The following BCAR3 variants were observed in gnomAD, a reference collection of about 807,000 sequenced individuals.
BCAR3 encodes breast cancer anti-estrogen resistance protein 3.
Under a neutral mutation model 80.1 loss-of-function variants are expected in BCAR3, and 37 were observed. That is an observed-to-expected ratio of 0.46 (90% CI 0.36 to 0.61). The LOEUF (loss-of-function observed/expected upper bound fraction) is 0.61, where lower values mean the gene tolerates loss of function less well. BCAR3 is among the 20% of genes least tolerant of loss of function. The pLI is 0.00. For synonymous variants in BCAR3, 389 were observed against 418.9 expected (o/e 0.93, Z 0.87); for missense variants, 978 against 1,068.2 (o/e 0.92, Z 1.18).
At chr1:93,763,270 C>A (rs1652019998) in intron 2 of BCAR3, among the ~76,000 whole-genome samples, 1 of 152,094 alleles carries the variant, frequency 6.6e-6, no homozygotes, top group African/African-American at 2.4e-5. Context: ...CACCATGTTG[C>A]CCAGGCTGGT....
intron 2 of BCAR3, among the ~76,000 whole-genome samples, chr1:93,797,641 A>G (rs1486975301): frequency 6.6e-6 from 1 of 152,084 alleles, no homozygotes; most frequent in African/African-American, 2.4e-5. Context: ...AAAGCTTTCG[A>G]TAATTTTCTA....
intron 2 of BCAR3, among the ~76,000 whole-genome samples, chr1:93,752,587 T>G (rs536937287): frequency 6.6e-6 from 1 of 152,124 alleles, no homozygotes; most frequent in East Asian, 1.9e-4. Context: ...GAGCAAAGAG[T>G]GGATTCATGG....
intron 3 of BCAR3, among the ~76,000 whole-genome samples, chr1:93,612,813 C>T (rs1389229623): frequency 6.6e-6 from 1 of 152,210 alleles, no homozygotes; most frequent in Non-Finnish European, 1.5e-5. Context: ...ATTAATTACT[C>T]ATCCTCTGTC....
At chr1:93,713,367 A>T (rs571081272) in intron 2 of BCAR3, among the ~76,000 whole-genome samples, 75 of 152,134 alleles carry the variant, frequency 4.9e-4, no homozygotes, top group Non-Finnish European at 4.7e-4. Flanking sequence ...AGAAGGACCA[A>T]TTATTTAATG....
At chr1:93,642,104 G>A (rs1209511866) in intron 3 of BCAR3, among the ~76,000 whole-genome samples, 200 bp downstream of exon 3, 1 of 152,090 alleles carries the variant, frequency 6.6e-6, no homozygotes, top group Non-Finnish European at 1.5e-5. Context: ...GCCAGATAAG[G>A]GTACCTGTAA....
chr1:93,604,333 AC>A (rs1242104518), intron 3 of BCAR3, among the ~76,000 whole-genome samples: 2 of 152,180 alleles, frequency 1.3e-5, no homozygotes, highest in Non-Finnish European at 2.9e-5. Flanking sequence ...TCATTATCAA[AC>A]CTAATCAATC....
chr1:93,573,639 T>TATTATTATTATTATTATTA (rs373537051), intron 8 of BCAR3, among the ~76,000 whole-genome samples: 13 of 139,080 alleles, frequency 9.3e-5, no homozygotes, highest in African/African-American at 2.9e-4. Flanking sequence ...TATTATTTTT[T>TATTATTATTATTATTATTA]TTTTTTTGAG....
intron 2 of BCAR3, among the ~76,000 whole-genome samples, chr1:93,751,842 G>C (rs1038964831): frequency 1.3e-5 from 2 of 152,218 alleles, no homozygotes; most frequent in African/African-American, 4.8e-5. Context: ...CTGCTGCCCT[G>C]GCAAGGCCTC....
intron 2 of BCAR3, among the ~76,000 whole-genome samples, chr1:93,670,532 T>C (rs1310541226): frequency 2.0e-5 from 3 of 152,208 alleles, no homozygotes; most frequent in African/African-American, 7.2e-5. Context: ...TCGGAGGCTA[T>C]GGAACACACT....
At chr1:93,816,179 C>A (rs771029426) in intron 2 of BCAR3, among the ~76,000 whole-genome samples, 7 of 152,218 alleles carry the variant, frequency 4.6e-5, no homozygotes, top group Non-Finnish European at 8.8e-5. Flanking sequence ...ACACAGTAGG[C>A]ACATAAAATA....
chr1:93,784,775 T>C (rs143534039), intron 2 of BCAR3, among the ~76,000 whole-genome samples: 94 of 152,302 alleles, frequency 6.2e-4, no homozygotes, highest in Non-Finnish European at 9.7e-4. Flanking sequence ...ATATTGAGAA[T>C]TGGTTCTGAA....
intron 2 of BCAR3, among the ~76,000 whole-genome samples, chr1:93,765,171 A>C (rs933821810): frequency 3.9e-5 from 6 of 152,210 alleles, no homozygotes; most frequent in Non-Finnish European, 7.3e-5. Context: ...TTTACCCAAA[A>C]AAAGTACTTG....
At chr1:93,675,847 G>A (rs1648452175) in intron 1 of BCAR3, among the ~76,000 whole-genome samples, 1 of 142,868 alleles carries the variant, frequency 7.0e-6, no homozygotes, top group African/African-American at 2.6e-5. Flanking sequence ...CAGCTCCAAA[G>A]CAAACTATGG....
At chr1:93,656,502 A>G (rs1398327016) in intron 2 of BCAR3, among the ~76,000 whole-genome samples, 1 of 151,340 alleles carries the variant, frequency 6.6e-6, no homozygotes, top group Non-Finnish European at 1.5e-5. Context: ...GGTTCTTTTT[A>G]TATTTTCCTG....
chr1:93,711,728 C>G (rs1244948619), intron 2 of BCAR3, among the ~76,000 whole-genome samples: 1 of 152,204 alleles, frequency 6.6e-6, no homozygotes, highest in Admixed American at 6.5e-5. Flanking sequence ...CAAAGTATTT[C>G]TTACAGGGAT....
chr1:93,725,923 T>G (rs1309258886), intron 2 of BCAR3, among the ~76,000 whole-genome samples: 1 of 152,232 alleles, frequency 6.6e-6, no homozygotes, highest in African/African-American at 2.4e-5. Context: ...ATTTCTGGGC[T>G]CTCTATTCTG....
intron 2 of BCAR3, among the ~76,000 whole-genome samples, chr1:93,746,303 T>C (rs574546555): frequency 2.6e-5 from 4 of 152,346 alleles, no homozygotes; most frequent in African/African-American, 7.2e-5. Context: ...TGGGCTAAGA[T>C]GCTACAAGGC....
At chr1:93,731,282 G>A (rs1650779559) in intron 2 of BCAR3, among the ~76,000 whole-genome samples, 1 of 152,194 alleles carries the variant, frequency 6.6e-6, no homozygotes, top group African/African-American at 2.4e-5. Context: ...TTACTTACTA[G>A]TATAATGTAC....
At chr1:93,817,061 T>C (rs1049177504) in intron 2 of BCAR3, among the ~76,000 whole-genome samples, 1 of 152,224 alleles carries the variant, frequency 6.6e-6, no homozygotes, top group African/African-American at 2.4e-5. Flanking sequence ...CCGCAATATC[T>C]GCTTCTCAGC....
Sources: gnomAD v4.1 joint callset for allele counts (sites outside exome capture counted in the v4.1 genomes callset) on GRCh38, gnomAD v4.1.1 for gene constraint, MANE v1.5 for transcripts, NCBI Gene and HGNC (gene_info 2026-07-23, HGNC 2026-07-21) for gene names.